The following PISD variants were observed in gnomAD, a reference collection of about 807,000 sequenced individuals.
The protein encoded by PISD is phosphatidylserine decarboxylase, also known as phosphatidylserine decarboxylase proenzyme, mitochondrial.
Under a neutral mutation model 43.5 loss-of-function variants are expected in PISD, and 31 were observed. The ratio of observed to expected loss-of-function variants is 0.71; its 90% CI spans 0.54 to 0.96. PISD has a LOEUF of 0.96. PISD is among the 40% of genes least tolerant of loss of function. PISD has a pLI of 0.00. For missense variants in PISD, 523 were observed against 548.4 expected (o/e 0.95, Z 0.46); for synonymous variants, 259 against 228.7 (o/e 1.13, Z -1.20).
chr22:31,637,194 T>G (rs1264325107), intron 3 of PISD, among the ~76,000 whole-genome samples: 1 of 85,994 alleles, frequency 1.2e-5, no homozygotes, highest in African/African-American at 5.0e-5. Flanking sequence ...TATATATATA[T>G]ATATATATAT....
chr22:31,625,885 C>T, intron 3 of PISD: 2 of 1,548,538 alleles, frequency 1.3e-6, no homozygotes, highest in South Asian at 1.2e-5. Flanking sequence ...TCCTCCCCTT[C>T]CCCCGAGCCA....
chr22:31,659,450 G>T (rs1670835395), intron 1 of PISD, among the ~76,000 whole-genome samples: 1 of 152,064 alleles, frequency 6.6e-6, no homozygotes, highest in African/African-American at 2.4e-5. Context: ...ATTTCTGATG[G>T]AAGTCATGCA....
At chr22:31,622,014 G>A (rs2072611962) in intron 3 of PISD, 129 bp from the exon 4 acceptor site, 4 of 701,986 alleles carry the variant, frequency 5.7e-6, no homozygotes, top group Non-Finnish European at 2.5e-6. Context: ...CAGGGCCCAG[G>A]TGCCCCACGC....
At chr22:31,652,225 G>A (rs2073967404) in intron 1 of PISD, among the ~76,000 whole-genome samples, 1 of 151,896 alleles carries the variant, frequency 6.6e-6, no homozygotes, top group East Asian at 2.0e-4. Flanking sequence ...TCCACCTCCC[G>A]GGTTCAAGCG....
intron 3 of PISD, among the ~76,000 whole-genome samples, chr22:31,624,581 C>T (rs1227233401): frequency 3.9e-5 from 6 of 152,010 alleles, no homozygotes; most frequent in Non-Finnish European, 7.4e-5. Flanking sequence ...AACCCATCCA[C>T]AGGTTTGTGA....
chr22:31,629,130 G>A (rs1806002536), intron 3 of PISD: 1 of 985,158 alleles, frequency 1.0e-6, no homozygotes, highest in African/African-American at 1.7e-5. Flanking sequence ...CACAACACCT[G>A]CCCCCCCAGT....
chr22:31,640,378 G>C (rs1027967497), intron 3 of PISD, among the ~76,000 whole-genome samples: 1 of 151,240 alleles, frequency 6.6e-6, no homozygotes. Flanking sequence ...TGTATTTTGA[G>C]CAGAGATGAG....
At chr22:31,652,572 C>T (rs1197067541) in intron 1 of PISD, among the ~76,000 whole-genome samples, 3 of 151,364 alleles carry the variant, frequency 2.0e-5, no homozygotes, top group Non-Finnish European at 2.9e-5. Flanking sequence ...TTTGGGAGGC[C>T]GAGGTGGGTG....
intron 3 of PISD, chr22:31,626,112 G>A: frequency 8.3e-7 from 1 of 1,206,450 alleles, no homozygotes; most frequent in South Asian, 1.8e-5. Flanking sequence ...AAAGCCCACT[G>A]TCCCCAGTCC....
At position 31,630,907 on chromosome 22, in the gene PISD, T is replaced by C; in HGVS notation, c.322-9022A>G. ...GGGCTCGGGCTCCAGCCACTCAGAC[T>C]ACCAGGGGCGGGGGCAGGAGGCCGA... On this transcript the variant is annotated intron_variant, in intron 3 of 7. Coordinates refer to ENST00000439502, the MANE Select transcript of PISD (RefSeq NM_001326411.2). This position sits in a 1 kb window ranked among gnomAD's most constrained non-coding sequence, Gnocchi z 4.4. 6.2e-6 allele frequency: 6 copies of C among 971,024 alleles called. No individual in the cohort carries two copies. Among genetic ancestry groups the C allele is most frequent in the Middle Eastern group, 5.3e-4 (1 of 1,894 alleles). The allele number at this position is 971,024 out of a possible 1,614,324, so 60.2% of individuals were successfully genotyped here. A position where few individuals can be genotyped will look rare whatever the true frequency, so the allele number is the denominator to read the frequency against.
At chr22:31,661,048 A>G (rs1330593501) in intron 1 of PISD, among the ~76,000 whole-genome samples, 1 of 152,222 alleles carries the variant, frequency 6.6e-6, no homozygotes, top group Non-Finnish European at 1.5e-5. Flanking sequence ...GACACACTTT[A>G]AATGAATTCA....
chr22:31,621,172 C>T (rs1443498033), intron 5 of PISD, 30 bp from the exon 6 acceptor site: 9 of 1,613,792 alleles, frequency 5.6e-6, no homozygotes, highest in Middle Eastern at 1.6e-4. Context: ...GTGGGGGCCA[C>T]CAACACAGTG....
At chr22:31,644,706 C>A (rs901130663) in intron 3 of PISD, among the ~76,000 whole-genome samples, 1 of 152,170 alleles carries the variant, frequency 6.6e-6, no homozygotes, top group Admixed American at 6.5e-5. Context: ...TGTTGCCATT[C>A]CTGAAAACGT....
chr22:31,656,558 A>T (rs1294408367), intron 1 of PISD, among the ~76,000 whole-genome samples: 1 of 151,892 alleles, frequency 6.6e-6, no homozygotes, highest in Non-Finnish European at 1.5e-5. Context: ...CTGAGGCAGA[A>T]GAATTGCTTG....
intron 1 of PISD, 22 bp downstream of exon 1, chr22:31,662,122 T>C (rs1316710647): frequency 1.2e-6 from 2 of 1,603,602 alleles, no homozygotes; most frequent in Non-Finnish European, 1.7e-6. Context: ...CGCCCCAAGG[T>C]AGTCTCTCCG....
chr22:31,637,153 A>T (rs1601391057), intron 3 of PISD, among the ~76,000 whole-genome samples: 2 of 33,468 alleles, frequency 6.0e-5, no homozygotes, highest in Non-Finnish European at 1.1e-4. Context: ...TAAAAAAAAA[A>T]AAAAAAAAAA....
intron 1 of PISD, among the ~76,000 whole-genome samples, chr22:31,658,726 T>A (rs2089113533): frequency 1.3e-5 from 2 of 151,762 alleles, no homozygotes; most frequent in South Asian, 4.1e-4. Context: ...GGAGAGGAGG[T>A]CTCACTATGT....
chr22:31,652,182 C>G (rs1467950775), intron 1 of PISD, among the ~76,000 whole-genome samples: 1 of 151,574 alleles, frequency 6.6e-6, no homozygotes, highest in African/African-American at 2.4e-5. Flanking sequence ...ACTCTGTTAC[C>G]CAGGCTGGAG....
intron 2 of PISD, among the ~76,000 whole-genome samples, chr22:31,649,203 G>C (rs567165338): frequency 6.6e-6 from 1 of 152,282 alleles, no homozygotes; most frequent in Non-Finnish European, 1.5e-5. Context: ...CTGGGCAACA[G>C]AGTGAGACTC....
Sources: allele counts gnomAD v4.1 joint callset (sites outside exome capture counted in the v4.1 genomes callset), GRCh38; gene constraint gnomAD v4.1.1; non-coding constraint Gnocchi (gnomAD v3.1); transcripts MANE v1.5; gene names NCBI Gene and HGNC (gene_info 2026-07-23, HGNC 2026-07-21).